Variants in MCC observed in about 807,000 individuals in gnomAD.
MCC encodes colorectal mutant cancer protein.
A neutral mutation model predicts 116.2 loss-of-function variants in MCC; 90 were observed. The ratio of observed to expected loss-of-function variants is 0.77; its 90% CI spans 0.65 to 0.92. The LOEUF is 0.92. Among genes scored for constraint, MCC ranks in the 40% least tolerant of loss-of-function variants. The probability of loss-of-function intolerance (pLI) is 0.00; values close to 1 mark genes in which losing one functional copy is unlikely to be tolerated. For synonymous variants in MCC, 578 were observed against 510.5 expected (o/e 1.13, Z -1.78); for missense variants, 1,516 against 1,312.2 (o/e 1.16, Z -2.40).
At chr5:113,249,139 G>GCTCT (rs57174154) in intron 3 of MCC, among the ~76,000 whole-genome samples, 9,903 of 149,220 alleles carry the variant, frequency 0.066, 543 homozygotes, top group African/African-American at 0.15. Flanking sequence ...ACCGCACCCA[G>GCTCT]CTCTCTCTCT....
At chr5:113,215,177 C>G (rs1162906892) in intron 3 of MCC, among the ~76,000 whole-genome samples, 2 of 152,210 alleles carry the variant, frequency 1.3e-5, no homozygotes, top group Non-Finnish European at 2.9e-5. Context: ...GTGAATGCAT[C>G]CTCTTTAGGT....
chr5:113,433,362 AAGG>A, intron 1 of MCC: 1 of 435,526 alleles, frequency 2.3e-6, no homozygotes. Flanking sequence ...GGGACGATGA[AAGG>A]AGGATAAATG....
At chr5:113,218,064 G>A (rs1045670666) in intron 3 of MCC, among the ~76,000 whole-genome samples, 6 of 144,802 alleles carry the variant, frequency 4.1e-5, no homozygotes, top group African/African-American at 1.5e-4. Context: ...TGAGCATCTG[G>A]CTCTTAAGAA....
chr5:113,253,402 G>T (rs143084562), intron 3 of MCC, among the ~76,000 whole-genome samples: 1 of 152,186 alleles, frequency 6.6e-6, no homozygotes, highest in Non-Finnish European at 1.5e-5. Flanking sequence ...CTGCCAGGAG[G>T]GACTTGCAGA....
chr5:113,083,922 A>G (rs535741166), intron 10 of MCC, among the ~76,000 whole-genome samples, 179 bp downstream of exon 10: 1 of 152,334 alleles, frequency 6.6e-6, no homozygotes, highest in East Asian at 1.9e-4. Flanking sequence ...AATTCACCAT[A>G]TGGATGGAAA....
intron 8 of MCC, chr5:113,101,454 T>C (rs1756403108): frequency 5.0e-6 from 2 of 403,054 alleles, no homozygotes; most frequent in East Asian, 9.1e-5. Context: ...TTAGAAAAGA[T>C]GTGCTTACCC....
In MCC at chr5:113,043,818, G is replaced by A. The variant is rs191728258; in HGVS notation, c.2656-188C>T. ...AAAGAGGCCCCTCTGCTCCCAGACC[G>A]CTGGCTCCTTTTGCAGACTGGCCAG... On this transcript the variant is annotated intron_variant, in intron 16 of 18. Transcript: ENST00000408903. Among the ~76,000 whole-genome samples the A allele has an allele frequency of 4.1e-4, 63 of 152,362 alleles. No individual in the cohort carries two copies. The East Asian group carries it at 7.5e-3, about 18-fold the overall frequency.
intron 3 of MCC, among the ~76,000 whole-genome samples, chr5:113,168,853 A>G (rs530324632): frequency 6.6e-6 from 1 of 152,300 alleles, no homozygotes; most frequent in African/African-American, 2.4e-5. Flanking sequence ...AAGTCTATAA[A>G]GCACAAAGAC....
chr5:113,428,617 A>T (rs1770543080), intron 1 of MCC: 1 of 152,198 alleles, frequency 6.6e-6, no homozygotes, highest in South Asian at 2.1e-4. Flanking sequence ...TCACAGTTCA[A>T]CTTCTCCATG....
intron 16 of MCC, among the ~76,000 whole-genome samples, chr5:113,046,685 C>CAAA (rs151183145): frequency 2.4e-4 from 14 of 58,388 alleles, no homozygotes; most frequent in South Asian, 8.7e-4. Context: ...ACTCAAAAGG[C>CAAA]AAAAAAAAAA....
chr5:113,038,125 A>C (rs1751442239), intron 17 of MCC, among the ~76,000 whole-genome samples: 2 of 152,152 alleles, frequency 1.3e-5, no homozygotes. Flanking sequence ...TAGGGAGGGG[A>C]GACTTACAAG....
chr5:113,417,158 C>A (rs1770175022), intron 1 of MCC, among the ~76,000 whole-genome samples: 1 of 152,018 alleles, frequency 6.6e-6, no homozygotes, highest in Admixed American at 6.6e-5. Context: ...TTAGGAGAGA[C>A]TGGGTTTCAC....
chr5:113,117,209 T>C (rs1273078833), intron 6 of MCC, among the ~76,000 whole-genome samples: 1 of 152,236 alleles, frequency 6.6e-6, no homozygotes, highest in Non-Finnish European at 1.5e-5. Context: ...TCTGAGTGGC[T>C]GCTTGACACT....
chr5:113,058,955 T>C (rs1442064985), intron 14 of MCC, among the ~76,000 whole-genome samples: 10 of 152,054 alleles, frequency 6.6e-5, no homozygotes, highest in Admixed American at 1.3e-4. Context: ...AATCCCTCCA[T>C]CCCAGGGAGA....
chr5:113,119,363 C>CT (rs1343008162), intron 6 of MCC, among the ~76,000 whole-genome samples: 1 of 152,046 alleles, frequency 6.6e-6, no homozygotes, highest in African/African-American at 2.4e-5. Flanking sequence ...AGGCATGACT[C>CT]TAGAGGGGAG....
At chr5:113,347,131 G>A (rs1313531270) in intron 2 of MCC, among the ~76,000 whole-genome samples, 1 of 152,072 alleles carries the variant, frequency 6.6e-6, no homozygotes, top group East Asian at 1.9e-4. Flanking sequence ...TGAGCAACAA[G>A]TGCTCATCTG....
intron 3 of MCC, among the ~76,000 whole-genome samples, chr5:113,178,121 C>T (rs1254385017): frequency 6.6e-6 from 1 of 152,084 alleles, no homozygotes; most frequent in Non-Finnish European, 1.5e-5. Flanking sequence ...TGAGTGGCAG[C>T]GGAAGGGAAG....
chr5:113,287,647 C>T (rs1561507893), intron 3 of MCC, among the ~76,000 whole-genome samples: 1 of 152,144 alleles, frequency 6.6e-6, no homozygotes, highest in Non-Finnish European at 1.5e-5. Flanking sequence ...CTTAATTTTG[C>T]TATAAATGCA....
chr5:113,032,541 T>A (rs972039606), intron 17 of MCC, among the ~76,000 whole-genome samples: 2 of 152,148 alleles, frequency 1.3e-5, no homozygotes, highest in African/African-American at 4.8e-5. Context: ...AAATTTAAAA[T>A]TACATACATG....
Sources: gnomAD v4.1 joint callset for allele counts (sites outside exome capture counted in the v4.1 genomes callset) on GRCh38, gnomAD v4.1.1 for gene constraint, MANE v1.5 for transcripts, NCBI Gene and HGNC (gene_info 2026-07-23, HGNC 2026-07-21) for gene names.